Variants in PCDHGA7 observed in about 807,000 individuals in gnomAD.
PCDHGA7 encodes the protein protocadherin gamma-A7.
A neutral mutation model predicts 58.3 loss-of-function variants in PCDHGA7; 44 were observed. The observed-to-expected ratio is 0.75, with a 90% CI of 0.59 to 0.97. The LOEUF (loss-of-function observed/expected upper bound fraction) is 0.97. Among genes scored for constraint, PCDHGA7 ranks in the 50% least tolerant of loss-of-function variants. PCDHGA7 has a pLI of 0.00. For missense variants in PCDHGA7, 1,266 were observed against 1,188.7 expected, an observed-to-expected ratio of 1.06 and a Z score of -0.96; for synonymous variants, 516 against 504.2, an observed-to-expected ratio of 1.02 and a Z score of -0.31.
intron 1 of PCDHGA7, among the ~76,000 whole-genome samples, chr5:141,425,459 C>A (rs2096876834): frequency 6.6e-6 from 1 of 152,200 alleles, no homozygotes; most frequent in African/African-American, 2.4e-5. Flanking sequence ...CATCACATTT[C>A]ATGTTATTAA....
At chr5:141,413,570 A>C in intron 1 of PCDHGA7, 1 of 1,613,930 alleles carries the variant, frequency 6.2e-7, no homozygotes. Context: ...GATATCAATG[A>C]CAATGCTCCA....
chr5:141,421,524 G>A (rs375937711), intron 1 of PCDHGA7: 25 of 1,613,940 alleles, frequency 1.5e-5, no homozygotes, highest in Admixed American at 5.0e-5. Context: ...TCTGTGAGAC[G>A]GTGTCCTCCT....
In PCDHGA7 at chr5:141,474,057, G is replaced by A. The variant is rs546654716; in HGVS notation, c.2425-20750G>A. Among the ~76,000 whole-genome samples, 3 of 152,192 alleles carry A rather than the reference G, an allele frequency of 2.0e-5. No homozygotes were observed. In the East Asian group the frequency reaches 5.8e-4, roughly 29 times the overall value. On this transcript the variant is annotated intron_variant, in intron 1 of 3. Transcript: ENST00000518325. ...TGTACTCCAGCCTGGATGACAGAGC[G>A]AGATCCTGCCTCAGAAACAAAAACC... is the stretch of plus-strand genomic sequence containing the variant.
rs765249445 is a variant in PCDHGA7, at chr5:141,489,754, C to T, written c.2425-5053C>T. ...CACCAATACTGTGAGCTTTTACACT[C>T]TAAGCCCCAACAGCCACTTCTCTCT... is the stretch of plus-strand genomic sequence containing the variant. On this transcript the variant is annotated intron_variant, in intron 1 of 3. Coordinates refer to ENST00000518325, the MANE Select transcript of PCDHGA7 (RefSeq NM_018920.4). The surrounding 1 kb of genome is among the most constrained non-coding windows in gnomAD (Gnocchi z 4.5). The T allele has an allele frequency of 4.0e-5, 64 of 1,613,992 alleles. No individual in the cohort carries two copies. The South Asian group carries it at 6.8e-4, about 17-fold the overall frequency.
intron 1 of PCDHGA7, chr5:141,415,740 GTTTTTTTTTTTTTTTTTTTTT>G: frequency 1.6e-6 from 1 of 617,990 alleles, no homozygotes; most frequent in Non-Finnish European, 2.1e-6. Context: ...GTTTATTAAG[GTTTTTTTTTTTTTTTTTTTTT>G]TTTTTTTTTT....
At position 141,477,550 on chromosome 5, in the gene PCDHGA7, C is replaced by T. The variant is rs1262360790; in HGVS notation, c.2425-17257C>T. The T allele has an allele frequency of 4.3e-6, 7 of 1,614,178 alleles. No homozygotes were observed. The highest frequency in any genetic ancestry group is 5.9e-6 in the Non-Finnish European group (7 of 1,180,036). On this transcript the variant is annotated intron_variant, in intron 1 of 3. Transcript: ENST00000518325. This position sits in a 1 kb window ranked among gnomAD's most constrained non-coding sequence, Gnocchi z 4.9. ...ACCTCCCCGGGGCTCCAATACTAAACCTAAGTGTCTGGGACCCCGACGCCC... is the reference window on the plus strand; with the variant it reads ...ACCTCCCCGGGGCTCCAATACTAAATCTAAGTGTCTGGGACCCCGACGCCC...
chr5:141,441,891 G>A, intron 1 of PCDHGA7: 1 of 348,040 alleles, frequency 2.9e-6, no homozygotes, highest in East Asian at 9.1e-5. Flanking sequence ...TCACCAAGGT[G>A]GTGGCTGTAG....
intron 3 of PCDHGA7, among the ~76,000 whole-genome samples, chr5:141,510,566 A>G (rs2154594633): frequency 6.6e-6 from 1 of 152,288 alleles, no homozygotes; most frequent in South Asian, 2.1e-4. Flanking sequence ...TACATCTACC[A>G]GGCACTATTT....
At chr5:141,415,475 C>T in intron 1 of PCDHGA7, 1 of 1,614,162 alleles carries the variant, frequency 6.2e-7, no homozygotes, top group Non-Finnish European at 8.5e-7. Flanking sequence ...ACCGCGGACT[C>T]GCGAAAGAGT....
chr5:141,447,298 C>T lies in PCDHGA7; in HGVS notation c.2425-47509C>T, dbSNP rs187482431. 1.7e-3 allele frequency among the ~76,000 whole-genome samples: 260 copies of T among 152,214 alleles called. 2 individuals carry two copies. Among genetic ancestry groups the T allele is most frequent in the African/African-American group, 5.8e-3 (239 of 41,534 alleles). ...GGGACTACAGGCACATGCCACCACA[C>T]CCGGCTAATTTTTGTATTTTTAGTA... On this transcript the variant is annotated intron_variant, in intron 1 of 3. Coordinates refer to ENST00000518325, the MANE Select transcript of PCDHGA7 (RefSeq NM_018920.4).
At chr5:141,417,538 A>G (rs2154547037) in intron 1 of PCDHGA7, 2 of 297,748 alleles carry the variant, frequency 6.7e-6, no homozygotes, top group East Asian at 6.0e-5. Flanking sequence ...AGTTTAAAAA[A>G]AATTCCTTGA....
At chr5:141,405,440 GAC>G (rs1297950312) in intron 1 of PCDHGA7, 3 of 1,417,402 alleles carry the variant, frequency 2.1e-6, no homozygotes, top group Non-Finnish European at 2.9e-6. Flanking sequence ...TTGTTTTTGA[GAC>G]AGAGTCTTAC....
At chr5:141,469,569 G>A (rs975304006) in intron 1 of PCDHGA7, among the ~76,000 whole-genome samples, 1 of 152,122 alleles carries the variant, frequency 6.6e-6, no homozygotes, top group Non-Finnish European at 1.5e-5. Flanking sequence ...GTGAGACTCT[G>A]TCTCTAAATA....
At position 141,486,493 on chromosome 5, in the gene PCDHGA7, T is replaced by C. The variant is rs761905572; in HGVS notation, c.2425-8314T>C. The C allele has an allele frequency of 1.2e-6, 2 of 1,614,136 alleles. No homozygotes were observed. The highest frequency in any genetic ancestry group is 1.7e-6 in the Non-Finnish European group (2 of 1,179,960). Reference sequence around the variant, plus strand: ...ACCCTCCTCTCAGTACCCACAGAACTATTTTCCTCAATATTTCAGATGTGA... The same window carrying C: ...ACCCTCCTCTCAGTACCCACAGAACCATTTTCCTCAATATTTCAGATGTGA... On this transcript the variant is annotated intron_variant, in intron 1 of 3. Transcript: ENST00000518325. The surrounding 1 kb of genome is among the most constrained non-coding windows in gnomAD (Gnocchi z 5.0).
At chr5:141,430,716 G>T (rs1327065498) in intron 1 of PCDHGA7, 2 of 1,487,962 alleles carry the variant, frequency 1.3e-6, no homozygotes, top group African/African-American at 2.8e-5. Context: ...CCTGACTTCA[G>T]TGGTTAAGGG....
rs1429603639 is a variant in PCDHGA7 at position 141,415,751 on chromosome 5, T to TTG, written c.2424+30429_2424+30430insGT. 7.1e-5 allele frequency: 95 copies of TTG among 1,328,716 alleles called. No homozygotes were observed. The African/African-American group carries it at 1.1e-3, about 15-fold the overall frequency. 82.3% of individuals were successfully genotyped at this position (1,328,716 alleles called of 1,614,324 possible). Reference sequence around the variant, plus strand: ...TGATGTTTATTAAGGTTTTTTTTTTTTTTTTTTTTTTTTTTTTTTTTACTT... The same window carrying TTG: ...TGATGTTTATTAAGGTTTTTTTTTTTTGTTTTTTTTTTTTTTTTTTTTTACTT... On this transcript the variant is annotated intron_variant, in intron 1 of 3. Coordinates refer to ENST00000518325, the MANE Select transcript of PCDHGA7 (RefSeq NM_018920.4).
intron 2 of PCDHGA7, among the ~76,000 whole-genome samples, chr5:141,496,186 G>A (rs879940448): frequency 2.0e-5 from 3 of 152,018 alleles, no homozygotes; most frequent in Non-Finnish European, 4.4e-5. Flanking sequence ...AGCAGCCCCA[G>A]CTGCTCATTT....
chr5:141,403,929 G>A (rs1203236737), intron 1 of PCDHGA7: 5 of 1,613,854 alleles, frequency 3.1e-6, no homozygotes, highest in Non-Finnish European at 4.2e-6. Context: ...GATGGTGGGG[G>A]ATTGAAAGGG....
At chr5:141,419,521 C>A (rs1418329404) in intron 1 of PCDHGA7, 1 of 1,612,240 alleles carries the variant, frequency 6.2e-7, no homozygotes, top group Non-Finnish European at 8.5e-7. Context: ...TGGTGGGCGA[C>A]CGTAACGACA....
Sources: allele counts gnomAD v4.1 joint callset (sites outside exome capture counted in the v4.1 genomes callset), GRCh38; gene constraint gnomAD v4.1.1; non-coding constraint Gnocchi (gnomAD v3.1); transcripts MANE v1.5; gene names NCBI Gene and HGNC (gene_info 2026-07-23, HGNC 2026-07-21).